Variants in ATP6V0A4 observed in about 807,000 individuals in gnomAD.
ATP6V0A4 encodes ATPase H+ transporting V0 subunit a4.
Under a neutral mutation model 107.3 loss-of-function variants are expected in ATP6V0A4, and 86 were observed. The ratio of observed to expected loss-of-function variants is 0.80; its 90% confidence interval spans 0.67 to 0.96. ATP6V0A4 has a LOEUF of 0.96. Ranked by LOEUF, ATP6V0A4 falls within the 40% of genes least tolerant of loss-of-function variation. ATP6V0A4 has a pLI of 0.00. For missense variants in ATP6V0A4, 908 were observed against 1,045.6 expected (o/e 0.87, Z 1.81); for synonymous variants, 353 against 381.4 (o/e 0.93, Z 0.87).
At chr7:138,787,855 T>G (rs1182161728) in intron 1 of ATP6V0A4, among the ~76,000 whole-genome samples, 3 of 151,782 alleles carry the variant, frequency 2.0e-5, no homozygotes, top group African/African-American at 7.3e-5. Flanking sequence ...AAATATTAGC[T>G]GGGTGTGGTG....
intron 19 of ATP6V0A4, among the ~76,000 whole-genome samples, chr7:138,721,542 A>G (rs1335107313): frequency 1.3e-5 from 2 of 152,152 alleles, no homozygotes; most frequent in African/African-American, 4.8e-5. Flanking sequence ...TCAAAAACAA[A>G]CAAAAAAGAG....
At chr7:138,732,138 G>A (rs1805052060) in intron 17 of ATP6V0A4, among the ~76,000 whole-genome samples, 1 of 151,976 alleles carries the variant, frequency 6.6e-6, no homozygotes, top group South Asian at 2.1e-4. Context: ...GTGAATACAG[G>A]GCTTTGTCTT....
At chr7:138,746,107 C>T (rs1805941524) in intron 13 of ATP6V0A4, among the ~76,000 whole-genome samples, 1 of 97,504 alleles carries the variant, frequency 1.0e-5, no homozygotes, top group Non-Finnish European at 2.3e-5. Flanking sequence ...AACTGAAGTG[C>T]AAGCAAGGCC....
At chr7:138,768,259 A>G (rs1163924647) in intron 5 of ATP6V0A4, among the ~76,000 whole-genome samples, 1 of 152,178 alleles carries the variant, frequency 6.6e-6, no homozygotes, top group East Asian at 1.9e-4. Context: ...AAAAGACTGA[A>G]GGGGAAGGAA....
At chr7:138,792,897 A>C (rs1229599368) in intron 1 of ATP6V0A4, among the ~76,000 whole-genome samples, 1 of 151,934 alleles carries the variant, frequency 6.6e-6, no homozygotes, top group Non-Finnish European at 1.5e-5. Context: ...GTTGAAAGTA[A>C]TATGATGGGA....
At chr7:138,782,577 AAAC>A (rs1467811654) in intron 2 of ATP6V0A4, among the ~76,000 whole-genome samples, 1 of 152,230 alleles carries the variant, frequency 6.6e-6, no homozygotes, top group Admixed American at 6.5e-5. Flanking sequence ...CAGAGGAGAC[AAAC>A]AAGAAACAGA....
At chr7:138,731,341 G>A (rs1467690258) in intron 17 of ATP6V0A4, among the ~76,000 whole-genome samples, 1 of 152,188 alleles carries the variant, frequency 6.6e-6, no homozygotes, top group African/African-American at 2.4e-5. Flanking sequence ...TACGACATCT[G>A]ATGGGTGCAA....
intron 13 of ATP6V0A4, 111 bp from the exon 14 acceptor site, chr7:138,745,391 G>C: frequency 6.6e-7 from 1 of 1,510,112 alleles, no homozygotes; most frequent in East Asian, 2.3e-5. Context: ...ACCCTTGGGG[G>C]AGCCACATGA....
intron 2 of ATP6V0A4, among the ~76,000 whole-genome samples, chr7:138,784,253 CATATATATATAT>C (rs59443230): frequency 0.51 from 53,929 of 106,072 alleles, 12,450 homozygotes; most frequent in Admixed American, 0.6. Context: ...TATATATATA[CATATATATATAT>C]ACATATATAT....
intron 18 of ATP6V0A4, among the ~76,000 whole-genome samples, chr7:138,722,744 CAAAAA>C (rs71169049): frequency 3.9e-4 from 13 of 33,474 alleles, no homozygotes; most frequent in Admixed American, 2.9e-3. Flanking sequence ...GACTCCATCT[CAAAAA>C]AAAAAAAAAA....
At chr7:138,769,820 G>A (rs1366038377) in intron 3 of ATP6V0A4, among the ~76,000 whole-genome samples, 2 of 152,122 alleles carry the variant, frequency 1.3e-5, no homozygotes, top group Admixed American at 6.5e-5. Flanking sequence ...GCTCATGCCT[G>A]TAATCCCAAC....
chr7:138,740,914 G>A (rs777035427), intron 14 of ATP6V0A4, among the ~76,000 whole-genome samples: 21 of 151,596 alleles, frequency 1.4e-4, no homozygotes, highest in Non-Finnish European at 2.8e-4. Context: ...AGGCTGAGGT[G>A]GGTGAATCAC....
chr7:138,745,189 G>A lies in ATP6V0A4; in HGVS notation c.1412C>T (p.Ser471Phe). 2 of 1,614,220 alleles carry A rather than the reference G, an allele frequency of 1.2e-6. No individual in the cohort carries two copies. The highest frequency in any genetic ancestry group is 2.2e-5 in the East Asian group (1 of 44,884). Residue 471 changes from serine to phenylalanine, a missense_variant, in exon 14 of 22, where the codon TCC becomes TTC. Ser to Phe is a radical substitution (Grantham distance 155). Coordinates refer to ENST00000310018, the MANE Select transcript of ATP6V0A4 (RefSeq NM_020632.3). ...YTGLIYNDCF[S>F]KSLNIFGSSW... ...AGAGCCAAAGATGTTCAAGGACTTG[G>A]AGAAGCAGTCATTGTAGATCAAACC...
At position 138,734,165 on chromosome 7, in the gene ATP6V0A4, G is replaced by T. The variant is rs1026435; in HGVS notation, c.1662C>A (p.Phe554Leu). Residue 554 changes from phenylalanine to leucine, a missense_variant, in exon 16 of 22, where the codon TTC becomes TTA. By Grantham distance (22) the Phe-to-Leu change is conservative. Coordinates refer to ENST00000310018, the MANE Select transcript of ATP6V0A4 (RefSeq NM_020632.3). ...GATTGAAAAGGCTGAGGATGACACC[G>T]AAAACCATCTGGACAATTCCCAGGA... Reference protein sequence around the residue: ...SVILGIVQMVFGVILSLFNHI... With the variant: ...SVILGIVQMVLGVILSLFNHI... 3 of 1,613,162 alleles carry T rather than the reference G, an allele frequency of 1.9e-6. No homozygotes were observed. The highest frequency in any genetic ancestry group is 2.5e-6 in the Non-Finnish European group (3 of 1,179,388).
Position 138,745,144 on chromosome 7 carries a change from A to G in ATP6V0A4, c.1457T>C (p.Met486Thr), listed in dbSNP as rs765335787. The G allele has an allele frequency of 2.2e-5, 36 of 1,614,046 alleles. No homozygotes were observed. In the Admixed American group the frequency reaches 5.3e-4, roughly 24 times the overall value. Residue 486 changes from methionine (M) to threonine (T), a missense_variant, in exon 14 of 22, where the codon ATG becomes ACG. Physicochemically the swap from Met to Thr is moderately conservative, Grantham distance 81 (BLOSUM62 -1). Coordinates refer to ENST00000310018, the MANE Select transcript of ATP6V0A4 (RefSeq NM_020632.3). Reference sequence around the variant, plus strand: ...TCACTTCCATGTGCCGTTTCTGAACATGGGTTGGACACTCCAAGAAGAGCC... The same window carrying G: ...TCACTTCCATGTGCCGTTTCTGAACGTGGGTTGGACACTCCAAGAAGAGCC... ...IFGSSWSVQP[M>T]FRNGTWNTHV...
chr7:138,760,458 A>AG (rs1806751171), intron 7 of ATP6V0A4, among the ~76,000 whole-genome samples: 2 of 148,018 alleles, frequency 1.4e-5, no homozygotes, highest in African/African-American at 2.5e-5. Flanking sequence ...AAAAAAAAAA[A>AG]AAAAAAGAAT....
In ATP6V0A4 at chr7:138,706,727, A is replaced by G; in HGVS notation, c.2430-10T>C. The G allele has an allele frequency of 1.2e-6, 2 of 1,613,080 alleles. No homozygotes were observed. Among genetic ancestry groups the G allele is most frequent in the Non-Finnish European group, 1.7e-6 (2 of 1,179,642 alleles). ...GTTCTGGAACTCAACCCTGTTGTTG[A>G]GGGGAGGCCGTGGGGTAAGAAATGG... On this transcript the variant is annotated splice_polypyrimidine_tract_variant and intron_variant, in intron 21 of 21. Coordinates refer to ENST00000310018, the MANE Select transcript of ATP6V0A4 (RefSeq NM_020632.3).
chr7:138,717,578 G>A (rs556894458), intron 19 of ATP6V0A4, among the ~76,000 whole-genome samples: 2 of 151,634 alleles, frequency 1.3e-5, no homozygotes, highest in South Asian at 4.2e-4. Context: ...AAAAGAAAGA[G>A]GCGCTCCCAG....
rs140778623 is a variant in ATP6V0A4, at chr7:138,786,698, T to C, written c.-120-438A>G. 8.8e-3 allele frequency among the ~76,000 whole-genome samples: 1,333 copies of C among 152,060 alleles called. 15 individuals carry two copies. Among genetic ancestry groups the C allele is most frequent in the African/African-American group, 0.031 (1,276 of 41,476 alleles). On this transcript the variant is annotated intron_variant, in intron 1 of 21. Coordinates refer to ENST00000310018, the MANE Select transcript of ATP6V0A4 (RefSeq NM_020632.3). ...TGAGAGAGAGAGATTCTCCCTATGT[T>C]GCCCAGGCTGGTCTCAAAGTCCTGG...
Sources: gnomAD v4.1 joint callset for allele counts (sites outside exome capture counted in the v4.1 genomes callset) on GRCh38, gnomAD v4.1.1 for gene constraint, MANE v1.5 for transcripts, NCBI Gene and HGNC (gene_info 2026-07-23, HGNC 2026-07-21) for gene names.